CMIP: variants seen among roughly 807,000 people sequenced by gnomAD.
CMIP encodes the protein c-Maf inducing protein.
A neutral mutation model predicts 97.3 loss-of-function variants in CMIP; 13 were observed. The observed-to-expected ratio is 0.13, with a 90% CI of 0.09 to 0.21. The LOEUF is 0.21. Ranked by LOEUF, CMIP falls within the 10% of genes least tolerant of loss-of-function variation. The probability of loss-of-function intolerance (pLI) is 1.00; values close to 1 mark genes in which losing one functional copy is unlikely to be tolerated. For missense variants in CMIP, 847 were observed against 1,024.9 expected, an observed-to-expected ratio of 0.83 and a Z score of 2.37; for synonymous variants, 538 against 436.3, an observed-to-expected ratio of 1.23 and a Z score of -2.91.
chr16:81,703,862 A>G, intron 17 of CMIP, 77 bp from the exon 18 acceptor site: 1 of 1,493,632 alleles, frequency 6.7e-7, no homozygotes, highest in South Asian at 1.3e-5. Context: ...GGAGAGGAGG[A>G]GGATAGGGGA....
intron 1 of CMIP, among the ~76,000 whole-genome samples, chr16:81,496,284 C>T (rs541550860): frequency 1.6e-4 from 24 of 152,126 alleles, no homozygotes; most frequent in Non-Finnish European, 2.5e-4. Flanking sequence ...CAATATTTGT[C>T]GTGCCTGTTG....
In CMIP at chr16:81,558,558, C is replaced by G. The variant is rs186156771; in HGVS notation, c.301-49009C>G. 3.4e-3 allele frequency among the ~76,000 whole-genome samples: 524 copies of G among 152,330 alleles called. 7 individuals are homozygous for G. The highest frequency in any genetic ancestry group is 0.012 in the African/African-American group (502 of 41,580). ...ACACACAGGACACCGCAGAGATGAC[C>G]TAGCCCCAAATGTCAACAGTGCCCA... is the stretch of plus-strand genomic sequence containing the variant. On this transcript the variant is annotated intron_variant, in intron 1 of 20. Coordinates refer to ENST00000537098, the MANE Select transcript of CMIP (RefSeq NM_198390.3).
At chr16:81,641,239 C>T (rs780535600) in intron 3 of CMIP, among the ~76,000 whole-genome samples, 3 of 152,088 alleles carry the variant, frequency 2.0e-5, no homozygotes, top group Non-Finnish European at 4.4e-5. Flanking sequence ...CAGCACCTAA[C>T]GCATGTTAGC....
intron 2 of CMIP, among the ~76,000 whole-genome samples, chr16:81,608,695 A>G (rs993828194): frequency 9.9e-5 from 15 of 152,002 alleles, no homozygotes; most frequent in Non-Finnish European, 2.2e-4. Flanking sequence ...GTGACTGACA[A>G]AAACCACGAC....
intron 1 of CMIP, among the ~76,000 whole-genome samples, chr16:81,566,772 C>T (rs972392630): frequency 3.3e-5 from 5 of 152,174 alleles, no homozygotes; most frequent in African/African-American, 1.2e-4. Flanking sequence ...AACAGTGGAA[C>T]AGATAAACCA....
chr16:81,694,644 A>T (rs1233678643), intron 13 of CMIP, among the ~76,000 whole-genome samples: 1 of 152,196 alleles, frequency 6.6e-6, no homozygotes, highest in Non-Finnish European at 1.5e-5. Flanking sequence ...TTCAAAAGGC[A>T]GACCCCCCTG....
At chr16:81,537,629 G>A (rs546409621) in intron 1 of CMIP, among the ~76,000 whole-genome samples, 1 of 151,100 alleles carries the variant, frequency 6.6e-6, no homozygotes, top group East Asian at 2.0e-4. Context: ...ACTTTGAGAA[G>A]CTGAGATGGG....
intron 1 of CMIP, among the ~76,000 whole-genome samples, chr16:81,471,879 A>C (rs534912676): frequency 1.3e-5 from 2 of 152,362 alleles, no homozygotes; most frequent in African/African-American, 4.8e-5. Flanking sequence ...GTCCTGGACA[A>C]GATGCAGCAG....
At chr16:81,638,341 G>A (rs914350544) in intron 3 of CMIP, among the ~76,000 whole-genome samples, 3 of 152,196 alleles carry the variant, frequency 2.0e-5, no homozygotes, top group Non-Finnish European at 2.9e-5. Context: ...GCAGGAGTTT[G>A]CCTCTCTTAG....
chr16:81,541,470 G>C (rs1437535968), intron 1 of CMIP, among the ~76,000 whole-genome samples: 6 of 152,192 alleles, frequency 3.9e-5, no homozygotes, highest in African/African-American at 1.4e-4. Flanking sequence ...CGGTGCCCCA[G>C]GCTGGTAGGA....
At position 81,562,932 on chromosome 16, in the gene CMIP, C is replaced by T. The variant is rs548358344; in HGVS notation, c.301-44635C>T. Among the ~76,000 whole-genome samples, 13 of 152,294 alleles carry T rather than the reference C, an allele frequency of 8.5e-5. No homozygotes were observed. In the South Asian group the frequency reaches 2.1e-3, roughly 24 times the overall value. On this transcript the variant is annotated intron_variant, in intron 1 of 20. Transcript: ENST00000537098. Reference sequence around the variant, plus strand: ...TGCCCTTGTCTGCTGGGATCTGCCGCGTCCTCGAGCTGAGTAGGATGCAGA... The same window carrying T: ...TGCCCTTGTCTGCTGGGATCTGCCGTGTCCTCGAGCTGAGTAGGATGCAGA...
chr16:81,710,408 TCCCCCCCGCCCGACCCCACCG>T lies in CMIP; in HGVS notation c.*613_*633del, dbSNP rs1282562023. On this transcript the variant is annotated 3_prime_UTR_variant, in exon 21 of 21. Coordinates refer to ENST00000537098, the MANE Select transcript of CMIP (RefSeq NM_198390.3). ...CTCTTATTTATGAAGTCTTTGACCGTCCCCCCCGCCCGACCCCACCGCCCTCCCGCCCCCACCTGGCGTGTA... is the reference window on the plus strand; with the variant it reads ...CTCTTATTTATGAAGTCTTTGACCGTCCCTCCCGCCCCCACCTGGCGTGTA... The T allele has an allele frequency of 1.4e-5, 2 of 147,300 alleles. No individual in the cohort carries two copies. Among genetic ancestry groups the T allele is most frequent in the Non-Finnish European group, 3.0e-5 (2 of 67,370 alleles). 9.1% of individuals were successfully genotyped at this position (147,300 alleles called of 1,614,324 possible).
At chr16:81,672,776 C>T (rs575825505) in intron 9 of CMIP, among the ~76,000 whole-genome samples, 1 of 152,222 alleles carries the variant, frequency 6.6e-6, no homozygotes, top group Admixed American at 6.5e-5. Flanking sequence ...CAGGATCTTG[C>T]TGTGTTACCC....
At chr16:81,636,715 G>C (rs1187394642) in intron 3 of CMIP, among the ~76,000 whole-genome samples, 1 of 151,488 alleles carries the variant, frequency 6.6e-6, no homozygotes, top group Non-Finnish European at 1.5e-5. Context: ...TTAATTAAAT[G>C]CACAATGCAT....
intron 3 of CMIP, among the ~76,000 whole-genome samples, chr16:81,640,809 C>A (rs898797218): frequency 3.3e-5 from 5 of 150,760 alleles, no homozygotes; most frequent in Admixed American, 6.6e-5. Context: ...ATAACGACGC[C>A]AGTCACTGGA....
chr16:81,547,384 C>A (rs1349945989), intron 1 of CMIP, among the ~76,000 whole-genome samples: 1 of 152,142 alleles, frequency 6.6e-6, no homozygotes, highest in Non-Finnish European at 1.5e-5. Context: ...GACCCCCGCT[C>A]CAGGCTCCCT....
At chr16:81,527,161 G>A (rs1462664767) in intron 1 of CMIP, among the ~76,000 whole-genome samples, 1 of 152,200 alleles carries the variant, frequency 6.6e-6, no homozygotes, top group Non-Finnish European at 1.5e-5. Flanking sequence ...GGCTCAAAGT[G>A]TGTCAGGAAA....
intron 3 of CMIP, among the ~76,000 whole-genome samples, chr16:81,640,248 C>T (rs1434254379): frequency 6.6e-6 from 1 of 150,740 alleles, no homozygotes; most frequent in Non-Finnish European, 1.5e-5. Context: ...GTCAGTGTTT[C>T]TGTCCCCTGC....
At chr16:81,469,080 G>A (rs1187605262) in intron 1 of CMIP, among the ~76,000 whole-genome samples, 1 of 152,224 alleles carries the variant, frequency 6.6e-6, no homozygotes, top group Non-Finnish European at 1.5e-5. Flanking sequence ...ACCTGGCAAT[G>A]GCTGAGCTGA....
Sources: allele counts gnomAD v4.1 joint callset (sites outside exome capture counted in the v4.1 genomes callset), GRCh38; gene constraint gnomAD v4.1.1; transcripts MANE v1.5; gene names NCBI Gene and HGNC (gene_info 2026-07-23, HGNC 2026-07-21).